NELL1: variants seen among roughly 807,000 people sequenced by gnomAD.
The protein encoded by NELL1 is protein kinase C-binding protein NELL1.
A neutral mutation model predicts 107.4 loss-of-function variants in NELL1; 76 were observed. That is an observed-to-expected ratio of 0.71 (90% CI 0.59 to 0.86). The LOEUF (loss-of-function observed/expected upper bound fraction) is 0.86. Among genes scored for constraint, NELL1 ranks in the 40% least tolerant of loss-of-function variants. The pLI is 0.00. For synonymous variants in NELL1, 353 were observed against 341.2 expected (o/e 1.03, Z -0.38); for missense variants, 1,024 against 1,005.5 (o/e 1.02, Z -0.25).
intron 2 of NELL1, among the ~76,000 whole-genome samples, chr11:20,704,495 C>T (rs1163650659): frequency 1.3e-5 from 2 of 152,072 alleles, no homozygotes; most frequent in African/African-American, 2.4e-5. Flanking sequence ...GAGCATTTAG[C>T]CCATTTAGAT....
chr11:20,706,531 G>T (rs1050555920), intron 2 of NELL1, among the ~76,000 whole-genome samples: 1 of 134,268 alleles, frequency 7.4e-6, no homozygotes, highest in Non-Finnish European at 1.6e-5. Context: ...GGTTGGGGGG[G>T]AGGGGGGAGG....
intron 15 of NELL1, among the ~76,000 whole-genome samples, chr11:21,439,536 C>T (rs1303452987): frequency 6.6e-6 from 1 of 152,136 alleles, no homozygotes; most frequent in Non-Finnish European, 1.5e-5. Context: ...ATAGGTCAAG[C>T]TGTCACTGTG....
At chr11:21,341,546 A>T (rs1326513356) in intron 14 of NELL1, among the ~76,000 whole-genome samples, 7 of 152,144 alleles carry the variant, frequency 4.6e-5, no homozygotes, top group Non-Finnish European at 1.0e-4. Flanking sequence ...ATATGTGATG[A>T]ATTATATTAA....
In NELL1 at chr11:21,414,123, T is replaced by G. The variant is rs61241281; in HGVS notation, c.1645+43175T>G. On this transcript the variant is annotated intron_variant, in intron 15 of 19. Transcript: ENST00000357134. Reference sequence around the variant, plus strand: ...TTATTACCCAGAAAGGCTAATTACATGTCTAATGAGCTTGATACAGGTGAA... The same window carrying G: ...TTATTACCCAGAAAGGCTAATTACAGGTCTAATGAGCTTGATACAGGTGAA... 4.8e-4 allele frequency among the ~76,000 whole-genome samples: 73 copies of G among 152,174 alleles called. 1 individual carries two copies. Among genetic ancestry groups the G allele is most frequent in the Non-Finnish European group, 4.7e-4 (32 of 67,972 alleles).
At chr11:21,300,437 A>C (rs771714440) in intron 14 of NELL1, among the ~76,000 whole-genome samples, 12 of 152,004 alleles carry the variant, frequency 7.9e-5, no homozygotes, top group Non-Finnish European at 1.2e-4. Context: ...GGGCTAGGAC[A>C]TGGGTTTTTT....
intron 12 of NELL1, among the ~76,000 whole-genome samples, chr11:21,094,891 T>A (rs1854605182): frequency 6.6e-6 from 1 of 152,210 alleles, no homozygotes; most frequent in Admixed American, 6.5e-5. Flanking sequence ...TTCTCCCCAT[T>A]GTCTTGGGGA....
chr11:21,027,499 C>G (rs186631766), intron 12 of NELL1, among the ~76,000 whole-genome samples: 1 of 151,298 alleles, frequency 6.6e-6, no homozygotes, highest in East Asian at 1.9e-4. Context: ...GAAGTCCATT[C>G]CTAGAGATCC....
chr11:21,347,475 G>C (rs1565180680), intron 14 of NELL1, among the ~76,000 whole-genome samples: 1 of 152,052 alleles, frequency 6.6e-6, no homozygotes, highest in African/African-American at 2.4e-5. Context: ...GGTGGTGCAT[G>C]CCTGTAATCC....
chr11:21,536,264 T>C (rs748545091), intron 16 of NELL1, among the ~76,000 whole-genome samples: 65 of 152,112 alleles, frequency 4.3e-4, no homozygotes, highest in Admixed American at 7.2e-4. Context: ...TCCCCTTTCT[T>C]CCCTCCTCAG....
In NELL1 at chr11:21,575,102, G is replaced by C; in HGVS notation, c.*80G>C. ...ATTAAGGATAGGAATCGGTAGTTTG[G>C]TTTTTTTGTTTGTTTTGTTTTTTTA... On this transcript the variant is annotated 3_prime_UTR_variant, in exon 20 of 20. Coordinates refer to ENST00000357134, the MANE Select transcript of NELL1 (RefSeq NM_006157.5). 13 of 1,287,480 alleles carry C rather than the reference G, an allele frequency of 1.0e-5. No individual in the cohort carries two copies. The highest frequency in any genetic ancestry group is 1.5e-5 in the Non-Finnish European group (13 of 891,868). 79.8% of individuals were successfully genotyped at this position (1,287,480 alleles called of 1,614,324 possible). A position where few individuals can be genotyped will look rare whatever the true frequency, so the allele number is the denominator to read the frequency against.
At chr11:20,849,745 T>G (rs149202646) in intron 4 of NELL1, among the ~76,000 whole-genome samples, 65 of 152,188 alleles carry the variant, frequency 4.3e-4, no homozygotes, top group African/African-American at 1.5e-3. Context: ...GGAGAAAAAA[T>G]GGACCCAAAG....
At chr11:21,078,132 C>A (rs984490833) in intron 12 of NELL1, among the ~76,000 whole-genome samples, 4 of 151,834 alleles carry the variant, frequency 2.6e-5, no homozygotes, top group African/African-American at 9.7e-5. Flanking sequence ...AAAAGTATAA[C>A]CTCAAAGAAA....
chr11:21,290,435 TC>T (rs1157469857), intron 14 of NELL1, among the ~76,000 whole-genome samples: 1 of 83,998 alleles, frequency 1.2e-5, no homozygotes, highest in Non-Finnish European at 2.9e-5. Flanking sequence ...AAATAAATAT[TC>T]CTTCCTGCTG....
chr11:21,222,555 C>T (rs1286889358), intron 13 of NELL1, among the ~76,000 whole-genome samples: 1 of 152,064 alleles, frequency 6.6e-6, no homozygotes, highest in African/African-American at 2.4e-5. Flanking sequence ...TTTATTATTT[C>T]TTTCCTTCTA....
At chr11:21,372,701 G>A (rs1204497257) in intron 15 of NELL1, among the ~76,000 whole-genome samples, 3 of 151,676 alleles carry the variant, frequency 2.0e-5, no homozygotes, top group East Asian at 1.9e-4. Flanking sequence ...GTGGTTTCAC[G>A]AATCTGCATT....
intron 15 of NELL1, among the ~76,000 whole-genome samples, chr11:21,421,838 G>T (rs746801739): frequency 6.6e-6 from 1 of 152,072 alleles, no homozygotes; most frequent in Non-Finnish European, 1.5e-5. Flanking sequence ...CCCAAACTGA[G>T]ATACATTATA....
chr11:20,693,864 A>T (rs923105100), intron 2 of NELL1, among the ~76,000 whole-genome samples: 1 of 152,172 alleles, frequency 6.6e-6, no homozygotes, highest in Non-Finnish European at 1.5e-5. Flanking sequence ...TCTCTTGGAT[A>T]GTATCCTGCA....
chr11:21,191,499 G>A lies in NELL1; in HGVS notation c.1427-37833G>A, dbSNP rs546261862. Among the ~76,000 whole-genome samples the A allele has an allele frequency of 1.5e-4, 23 of 152,024 alleles. 1 individual carries two copies. Among genetic ancestry groups the A allele is most frequent in the Middle Eastern group, 3.4e-3 (1 of 294 alleles). On this transcript the variant is annotated intron_variant, in intron 13 of 19. Transcript: ENST00000357134. ...CCAGTGAGACCCATTTTGGACTTCA[G>A]ACCTCCAAAAGTGGAAGACAATGAA...
At chr11:20,829,356 A>G (rs1857955314) in intron 3 of NELL1, among the ~76,000 whole-genome samples, 1 of 151,296 alleles carries the variant, frequency 6.6e-6, no homozygotes, top group Non-Finnish European at 1.5e-5. Flanking sequence ...CCTCCTGAGT[A>G]GCTGAGATTA....
Sources: allele counts gnomAD v4.1 joint callset (sites outside exome capture counted in the v4.1 genomes callset), GRCh38; gene constraint gnomAD v4.1.1; transcripts MANE v1.5; gene names NCBI Gene and HGNC (gene_info 2026-07-23, HGNC 2026-07-21).